The following TASOR2 variants were observed in gnomAD, a reference collection of about 807,000 sequenced individuals.
TASOR2 encodes the protein protein TASOR 2.
Under a neutral mutation model 199.5 loss-of-function variants are expected in TASOR2, and 84 were observed. The ratio of observed to expected loss-of-function variants is 0.42; its 90% CI spans 0.35 to 0.50. The LOEUF is 0.50. TASOR2 is among the 20% of genes least tolerant of loss of function. The pLI is 0.02. For synonymous variants in TASOR2, 1,103 were observed against 1,046.6 expected, an observed-to-expected ratio of 1.05 and a Z score of -1.04; for missense variants, 2,796 against 2,835.9, an observed-to-expected ratio of 0.99 and a Z score of 0.32.
chr10:5,746,742 G>A, exon 15 of TASOR2: 1 of 1,614,130 alleles, frequency 6.2e-7, no homozygotes, highest in South Asian at 1.1e-5. Context: ...CACAAGGCCT[G>A]AGGGACATTC....
At chr10:5,735,530 A>G in exon 12 of TASOR2, 1 of 1,613,712 alleles carries the variant, frequency 6.2e-7, no homozygotes, top group South Asian at 1.1e-5. Context: ...CCAGAAACAG[A>G]AAGCAGCTAC....
At position 5,742,812 on chromosome 10, in the gene TASOR2, G is replaced by A. The variant is rs77852499; in HGVS notation, c.2757+286G>A. Among the ~76,000 whole-genome samples, 23 of 152,148 alleles carry A rather than the reference G, an allele frequency of 1.5e-4. No individual in the cohort carries two copies. Among genetic ancestry groups the A allele is most frequent in the African/African-American group, 5.5e-4 (23 of 41,516 alleles). ...ATAATTTGGGGCAAATTGCTTCTTTGCCTAATTTTTAAAAGAGGTGACTTA... is the reference window on the plus strand; with the variant it reads ...ATAATTTGGGGCAAATTGCTTCTTTACCTAATTTTTAAAAGAGGTGACTTA... On this transcript the variant is annotated intron_variant, in intron 14 of 20. Transcript: ENST00000328090. The surrounding 1 kb of genome is among the most constrained non-coding windows in gnomAD (Gnocchi z 4.2).
Position 5,757,460 on chromosome 10 carries a change from T to C in TASOR2, c.6733-60T>C. The C allele has an allele frequency of 2.0e-6, 3 of 1,490,056 alleles. No homozygotes were observed. The South Asian group carries it at 3.9e-5, about 20-fold the overall frequency. The allele number at this position is 1,490,056 out of a possible 1,614,324, so 92.3% of individuals were successfully genotyped here. ...TCTCTTGGATAGAAAAGCAAGGGAGTGTCTAAGAAAATGTGCCCAGTGAGC... is the reference window on the plus strand; with the variant it reads ...TCTCTTGGATAGAAAAGCAAGGGAGCGTCTAAGAAAATGTGCCCAGTGAGC... On this transcript the variant is annotated intron_variant, in intron 16 of 20. Transcript: ENST00000328090.
In TASOR2 at chr10:5,740,732, AT is replaced by A. The variant is rs1355095250; in HGVS notation, c.2327+236del. 6.6e-6 allele frequency among the ~76,000 whole-genome samples: 1 copy of A among 152,228 alleles called. No individual in the cohort carries two copies. The highest frequency in any genetic ancestry group is 1.5e-5 in the Non-Finnish European group (1 of 68,042). On this transcript the variant is annotated intron_variant, in intron 13 of 20. Coordinates refer to ENST00000328090, the Ensembl canonical transcript of TASOR2. This position sits in a 1 kb window ranked among gnomAD's most constrained non-coding sequence, Gnocchi z 5.3. ...TTTAAAGATAATTTTAGCCTAATGA[AT>A]AGCTTTCCATTTTGCAATGCTCCCT...
chr10:5,755,643 C>G (rs1160327246), intron 15 of TASOR2, among the ~76,000 whole-genome samples: 1 of 152,032 alleles, frequency 6.6e-6, no homozygotes, highest in Admixed American at 6.6e-5. Context: ...AAGTGATGGT[C>G]AGGCAGTCTT....
exon 15 of TASOR2, chr10:5,747,174 T>G (rs1472165133): frequency 6.2e-7 from 1 of 1,613,896 alleles, no homozygotes; most frequent in Non-Finnish European, 8.5e-7. Flanking sequence ...AAAATATGAA[T>G]TTGGAAGCGT....
At position 5,762,526 on chromosome 10, in the gene TASOR2, T is replaced by TTTTTTTAAA; in HGVS notation, c.7175-6_7175-5insTTTTTTAAA. On this transcript the variant is annotated splice_region_variant and splice_polypyrimidine_tract_variant and intron_variant, in intron 19 of 20. Transcript: ENST00000328090. ...ACCAAAAGTTGTTTTTTTTTTTTTT[T>TTTTTTTAAA]AACAGACAAGCCTACTATCCCCAGA... The TTTTTTTAAA allele has an allele frequency of 1.4e-6, 1 of 699,658 alleles. No individual in the cohort carries two copies. Among genetic ancestry groups the TTTTTTTAAA allele is most frequent in the South Asian group, 2.8e-5 (1 of 35,810 alleles). The allele number at this position is 699,658 out of a possible 1,614,324, so 43.3% of individuals were successfully genotyped here. A position where few individuals can be genotyped will look rare whatever the true frequency, so the allele number is the denominator to read the frequency against.
chr10:5,727,559 G>C (rs745497909), intron 10 of TASOR2, among the ~76,000 whole-genome samples: 41 of 151,994 alleles, frequency 2.7e-4, no homozygotes, highest in Non-Finnish European at 5.4e-4. Flanking sequence ...GCTCCTGGGG[G>C]CAAAAAAAAT....
chr10:5,739,501 A>C, intron 12 of TASOR2, 117 bp from the exon 14 acceptor site: 1 of 939,844 alleles, frequency 1.1e-6, no homozygotes, highest in South Asian at 1.8e-5. Flanking sequence ...TTTAATATGC[A>C]ATATATGTTA....
chr10:5,743,495 A>G (rs1836720625), intron 14 of TASOR2, among the ~76,000 whole-genome samples: 1 of 152,222 alleles, frequency 6.6e-6, no homozygotes, highest in African/African-American at 2.4e-5. Context: ...AGAAGTAAAG[A>G]AATTGCCTAA....
chr10:5,763,368 T>C, exon 21 of TASOR2: 1 of 231,828 alleles, frequency 4.3e-6, no homozygotes, highest in Non-Finnish European at 8.3e-6. Context: ...AATAGCTTTG[T>C]TTTTGCATGC....
At position 5,710,544 on chromosome 10, in the gene TASOR2, C is replaced by G. The variant is rs1831783780; in HGVS notation, c.-287-2279C>G. On this transcript the variant is annotated intron_variant, in intron 1 of 20. Transcript: ENST00000328090. The surrounding 1 kb of genome is among the most constrained non-coding windows in gnomAD (Gnocchi z 4.6). The stretch of plus-strand genomic sequence containing the variant: ...CACACTGGTGTTAATGAAGTGTTCT[C>G]TGACCATGTATTTGGGAAACCCTGT... 6.6e-6 allele frequency among the ~76,000 whole-genome samples: 1 copy of G among 152,054 alleles called. No individual in the cohort carries two copies. The highest frequency in any genetic ancestry group is 1.5e-5 in the Non-Finnish European group (1 of 67,928).
At chr10:5,746,576 T>C in exon 15 of TASOR2, 1 of 1,614,056 alleles carries the variant, frequency 6.2e-7, no homozygotes, top group South Asian at 1.1e-5. Context: ...CCGGAACCAA[T>C]TACTCTCACC....
chr10:5,705,623 C>G (rs1424231441), intron 1 of TASOR2, among the ~76,000 whole-genome samples: 1 of 152,200 alleles, frequency 6.6e-6, no homozygotes, highest in South Asian at 2.1e-4. Context: ...AGAGGCTCCT[C>G]ATCCTTGCCA....
intron 10 of TASOR2, among the ~76,000 whole-genome samples, chr10:5,727,969 C>T (rs895660209): frequency 6.6e-6 from 1 of 152,072 alleles, no homozygotes; most frequent in African/African-American, 2.4e-5. Flanking sequence ...CACCTGTAAT[C>T]CCAGCACTCT....
At chr10:5,717,613 T>G in intron 2 of TASOR2, 46 bp from the exon 4 acceptor site, 1 of 805,560 alleles carries the variant, frequency 1.2e-6, no homozygotes, top group Non-Finnish European at 1.7e-6. Context: ...CTTTCTCCTG[T>G]CTGATGGGCA....
At chr10:5,726,861 T>C (rs1834116669) in intron 8 of TASOR2, 24 bp from the exon 10 acceptor site, 3 of 1,599,062 alleles carry the variant, frequency 1.9e-6, no homozygotes, top group Non-Finnish European at 2.6e-6. Context: ...ATTCCTTCAG[T>C]TGAATTTTTC....
At chr10:5,756,689 C>G (rs765052701) in exon 16 of TASOR2, 2 of 1,613,238 alleles carry the variant, frequency 1.2e-6, no homozygotes, top group Non-Finnish European at 8.5e-7. Flanking sequence ...GAGAATGATA[C>G]ACTAATCATC....
At chr10:5,734,665 A>G (rs1250151871) in intron 11 of TASOR2, among the ~76,000 whole-genome samples, 1 of 148,514 alleles carries the variant, frequency 6.7e-6, no homozygotes, top group African/African-American at 2.5e-5. Flanking sequence ...TGGGGCTGTG[A>G]TCTAGCATAT....
Sources: allele counts gnomAD v4.1 joint callset (sites outside exome capture counted in the v4.1 genomes callset), GRCh38; gene constraint gnomAD v4.1.1; non-coding constraint Gnocchi (gnomAD v3.1); transcripts MANE v1.5; gene names NCBI Gene and HGNC (gene_info 2026-07-23, HGNC 2026-07-21).